The following ATCAY variants were observed in gnomAD, a reference collection of about 807,000 sequenced individuals.
The protein encoded by ATCAY is ATCAY kinesin light chain interacting caytaxin, also known as caytaxin.
In ATCAY, 22 loss-of-function variants were observed where a neutral mutation model predicts 47.7. The ratio of observed to expected loss-of-function variants is 0.46; its 90% CI spans 0.33 to 0.66. ATCAY has a LOEUF of 0.66. Among genes scored for constraint, ATCAY ranks in the 30% least tolerant of loss-of-function variants. The pLI is 0.02. For missense variants in ATCAY, 452 were observed against 515.0 expected (o/e 0.88, Z 1.18); for synonymous variants, 216 against 207.6 (o/e 1.04, Z -0.35).
At chr19:3,911,637 T>C (rs1038354335) in intron 8 of ATCAY, among the ~76,000 whole-genome samples, 13 of 152,084 alleles carry the variant, frequency 8.5e-5, no homozygotes, top group African/African-American at 3.1e-4. Flanking sequence ...ATAGTTACTA[T>C]ATTAAACATA....
At position 3,905,693 on chromosome 19, in the gene ATCAY, A is replaced by AC. The variant is rs560509543; in HGVS notation, c.358+46dup. On this transcript the variant is annotated intron_variant, in intron 4 of 12. Transcript: ENST00000450849. ...GTCTCTCTGGGGCCTGCTGGAGCCC[A>AC]CCCCCCCCACCCCACCTTTCCGTCT... is the stretch of plus-strand genomic sequence containing the variant. The AC allele has an allele frequency of 7.2e-3, 9,865 of 1,370,546 alleles. 65 individuals are homozygous for AC. Among genetic ancestry groups the AC allele is most frequent in the South Asian group, 0.025 (2,002 of 81,660 alleles). 84.9% of individuals were successfully genotyped at this position (1,370,546 alleles called of 1,614,324 possible).
chr19:3,922,104 T>TTTA (rs2039026105), intron 12 of ATCAY: 2 of 701,416 alleles, frequency 2.9e-6, no homozygotes, highest in South Asian at 3.0e-5. Flanking sequence ...AGCCAGGGTG[T>TTTA]TTATAGAGAG....
intron 1 of ATCAY, 74 bp downstream of exon 1, chr19:3,881,082 C>T (rs987029494): frequency 1.3e-5 from 2 of 152,194 alleles, no homozygotes; most frequent in African/African-American, 4.8e-5. Flanking sequence ...CCTTTGCCGC[C>T]TCTAAATCCC....
rs148496204 is a variant in ATCAY at position 3,911,499 on chromosome 19, G to A, written c.866+610G>A. ...TGATCACTCCACTGCACTCCAGCCT[G>A]GGAGACAGAGCAAAACAACCCTGTC... On this transcript the variant is annotated intron_variant, in intron 8 of 12. Transcript: ENST00000450849. 3.2e-4 allele frequency among the ~76,000 whole-genome samples: 48 copies of A among 151,956 alleles called. No individual in the cohort carries two copies. In the East Asian group the frequency reaches 8.3e-3, roughly 26 times the overall value.
intron 2 of ATCAY, among the ~76,000 whole-genome samples, chr19:3,891,364 T>C (rs1278214217): frequency 6.6e-6 from 1 of 152,040 alleles, no homozygotes; most frequent in Non-Finnish European, 1.5e-5. Flanking sequence ...TTCTAGCATT[T>C]TCCTTCACTC....
intron 2 of ATCAY, among the ~76,000 whole-genome samples, chr19:3,895,907 G>A (rs2038765957): frequency 6.6e-6 from 1 of 151,628 alleles, no homozygotes; most frequent in South Asian, 2.1e-4. Flanking sequence ...TGTAGAGATG[G>A]GGTCTCACTA....
rs1240981518 is a variant in ATCAY at position 3,908,347 on chromosome 19, C to T, written c.624C>T (p.His208=). 6.3e-7 allele frequency: 1 copy of T among 1,592,790 alleles called. No individual in the cohort carries two copies. Among genetic ancestry groups the T allele is most frequent in the African/African-American group, 1.3e-5 (1 of 74,602 alleles). ...CAGACAGCAGCCTCCCCGACTACCA[C>T]TACATCATGGAGAACCTCTTCCTGT... ...FLPDSSLPDY[H]YIMENLFLYV... The change falls in exon 6 of 13, where the codon CAC becomes CAT. Residue 208 remains histidine, a synonymous_variant. Coordinates refer to ENST00000450849, the MANE Select transcript of ATCAY (RefSeq NM_033064.5).
chr19:3,889,041 G>A (rs963567202), intron 2 of ATCAY, among the ~76,000 whole-genome samples: 7 of 152,102 alleles, frequency 4.6e-5, no homozygotes, highest in Non-Finnish European at 5.9e-5. Flanking sequence ...AGGCCAAGGC[G>A]GGAGGATCGC....
intron 2 of ATCAY, among the ~76,000 whole-genome samples, chr19:3,888,427 C>T (rs964094983): frequency 7.9e-5 from 12 of 151,460 alleles, no homozygotes; most frequent in African/African-American, 2.7e-4. Flanking sequence ...GTCAGGAGTT[C>T]GAGGCCAGCC....
At chr19:3,916,260 C>T (rs1044590185) in intron 9 of ATCAY, among the ~76,000 whole-genome samples, 2 of 152,152 alleles carry the variant, frequency 1.3e-5, no homozygotes, top group African/African-American at 4.8e-5. Context: ...TATTCCATTG[C>T]GTGAATGGAC....
At chr19:3,895,818 C>T (rs1030283904) in intron 2 of ATCAY, among the ~76,000 whole-genome samples, 2 of 149,060 alleles carry the variant, frequency 1.3e-5, no homozygotes, top group South Asian at 2.1e-4. Context: ...CGGACTCAAA[C>T]GATCCTCCTG....
chr19:3,897,768 C>T (rs903334699), intron 2 of ATCAY, among the ~76,000 whole-genome samples: 7 of 151,836 alleles, frequency 4.6e-5, no homozygotes, highest in African/African-American at 4.8e-5. Flanking sequence ...ATCAGCTGAG[C>T]ATGGTGGTGG....
intron 10 of ATCAY, among the ~76,000 whole-genome samples, chr19:3,918,055 C>T (rs2038981063): frequency 6.6e-6 from 1 of 152,138 alleles, no homozygotes; most frequent in Non-Finnish European, 1.5e-5. Flanking sequence ...AAAGGTTGAG[C>T]ACAGACTTCA....
chr19:3,891,211 C>T (rs1272918785), intron 2 of ATCAY, among the ~76,000 whole-genome samples: 1 of 152,100 alleles, frequency 6.6e-6, no homozygotes, highest in African/African-American at 2.4e-5. Flanking sequence ...ACCACCATGC[C>T]TGGCTCATTT....
chr19:3,901,424 C>T (rs1333555009), intron 2 of ATCAY, among the ~76,000 whole-genome samples: 1 of 152,102 alleles, frequency 6.6e-6, no homozygotes, highest in Non-Finnish European at 1.5e-5. Flanking sequence ...TTCTGGTTGA[C>T]TCAGGTTTTT....
At chr19:3,887,351 G>A (rs1304954027) in intron 2 of ATCAY, among the ~76,000 whole-genome samples, 1 of 151,868 alleles carries the variant, frequency 6.6e-6, no homozygotes, top group Admixed American at 6.6e-5. Flanking sequence ...TTAGCTACTT[G>A]GCAGGCTGAG....
intron 9 of ATCAY, among the ~76,000 whole-genome samples, chr19:3,916,210 A>G (rs977868258): frequency 3.3e-5 from 5 of 152,176 alleles, no homozygotes; most frequent in African/African-American, 1.2e-4. Flanking sequence ...TCCACATTGT[A>G]GCCTGTGTCA....
At chr19:3,889,848 G>T (rs1047830126) in intron 2 of ATCAY, among the ~76,000 whole-genome samples, 3 of 152,046 alleles carry the variant, frequency 2.0e-5, no homozygotes, top group Admixed American at 6.6e-5. Context: ...TGCAAATGGC[G>T]AAGGCAGCAC....
chr19:3,922,259 G>C, intron 12 of ATCAY: 1 of 698,960 alleles, frequency 1.4e-6, no homozygotes, highest in Admixed American at 2.0e-5. Flanking sequence ...CTGCTATGAA[G>C]AAATACCCAA....
Sources: allele counts gnomAD v4.1 joint callset (sites outside exome capture counted in the v4.1 genomes callset), GRCh38; gene constraint gnomAD v4.1.1; transcripts MANE v1.5; gene names NCBI Gene and HGNC (gene_info 2026-07-23, HGNC 2026-07-21).